Variants in SMARCA5 observed in about 807,000 individuals in gnomAD.
The protein encoded by SMARCA5 is SNF2 related chromatin remodeling ATPase 5, also known as SWI/SNF-related matrix-associated actin-dependent regulator of chromatin subfamily A member 5.
A neutral mutation model predicts 140.4 loss-of-function variants in SMARCA5; 18 were observed. That is an observed-to-expected ratio of 0.13 (90% CI 0.09 to 0.19). The LOEUF is 0.19. SMARCA5 is among the 10% of genes least tolerant of loss of function. The probability of loss-of-function intolerance (pLI) is 1.00; values close to 1 mark genes in which losing one functional copy is unlikely to be tolerated. For missense variants in SMARCA5, 606 were observed against 1,276.8 expected, an observed-to-expected ratio of 0.47 and a Z score of 8.01; for synonymous variants, 449 against 419.6, an observed-to-expected ratio of 1.07 and a Z score of -0.86.
rs1259047910 is a variant in SMARCA5 at position 143,513,897 on chromosome 4, C to T, written c.-28C>T. 12 of 1,534,254 alleles carry T rather than the reference C, an allele frequency of 7.8e-6. No individual in the cohort carries two copies. The highest frequency in any genetic ancestry group is 9.6e-6 in the Non-Finnish European group (11 of 1,146,456). On this transcript the variant is annotated 5_prime_UTR_variant, in exon 1 of 24. Coordinates refer to ENST00000283131, the MANE Select transcript of SMARCA5 (RefSeq NM_003601.4). ...ATCCCCGCCGGACTCGGGCCTCTGG[C>T]AGCAGCGGGTGACGCAGACGGAACA...
intron 9 of SMARCA5, among the ~76,000 whole-genome samples, chr4:143,534,183 C>T (rs1737256850): frequency 6.6e-6 from 1 of 151,768 alleles, no homozygotes; most frequent in South Asian, 2.1e-4. Context: ...AATGCTATTG[C>T]ACACTTAATA....
intron 9 of SMARCA5, among the ~76,000 whole-genome samples, chr4:143,530,982 A>T (rs1737172633): frequency 6.6e-6 from 1 of 152,052 alleles, no homozygotes; most frequent in African/African-American, 2.4e-5. Flanking sequence ...TGCCCAGCTA[A>T]TTTTTGTATT....
At chr4:143,526,227 G>A in intron 5 of SMARCA5, 54 bp from the exon 6 acceptor site, 3 of 1,387,182 alleles carry the variant, frequency 2.2e-6, no homozygotes, top group South Asian at 2.4e-5. Flanking sequence ...AGGTATAATT[G>A]TGAAATAATA....
At chr4:143,528,080 ATTT>A in intron 7 of SMARCA5, 57 bp downstream of exon 7, 1 of 1,369,538 alleles carries the variant, frequency 7.3e-7, no homozygotes, top group Non-Finnish European at 9.7e-7. Context: ...TAAAGTACAG[ATTT>A]TTTTTTCTTT....
At chr4:143,548,395 T>C (rs189123944) in intron 22 of SMARCA5, among the ~76,000 whole-genome samples, 10 of 152,208 alleles carry the variant, frequency 6.6e-5, no homozygotes, top group Admixed American at 6.5e-4. Context: ...CAGTTTCAAC[T>C]TCTGAGTGTT....
At position 143,521,603 on chromosome 4, in the gene SMARCA5, ATAGTT is replaced by A. The variant is rs1736960464; in HGVS notation, c.419+11_419+15del. Reference sequence around the variant, plus strand: ...CTTACTATCCGTTGGCGAGTGAGTAATAGTTTAAACTTCATAGTTCAACCAAACTT... The same window carrying A: ...CTTACTATCCGTTGGCGAGTGAGTAATAAACTTCATAGTTCAACCAAACTT... On this transcript the variant is annotated intron_variant, in intron 3 of 23. Transcript: ENST00000283131. 1.2e-6 allele frequency: 2 copies of A among 1,604,602 alleles called. No individual in the cohort carries two copies. Among genetic ancestry groups the A allele is most frequent in the Non-Finnish European group, 1.7e-6 (2 of 1,175,808 alleles).
Position 143,546,886 on chromosome 4 carries a change from A to G in SMARCA5, c.2631A>G (p.Pro877=), listed in dbSNP as rs1309032306. 1 of 1,612,852 alleles carries G rather than the reference A, an allele frequency of 6.2e-7. No individual in the cohort carries two copies. The highest frequency in any genetic ancestry group is 1.7e-5 in the Admixed American group (1 of 59,972). Residue 877 remains proline (P), a synonymous_variant, in exon 20 of 24, where the codon CCA becomes CCG. Transcript: ENST00000283131. ...NIAREVEGKT[P]EEVIEYSAVF... Reference sequence around the variant, plus strand: ...CAAGAGAAGTAGAAGGCAAAACTCCAGAAGAAGTCATTGAATATTCAGGTA... The same window carrying G: ...CAAGAGAAGTAGAAGGCAAAACTCCGGAAGAAGTCATTGAATATTCAGGTA...
At chr4:143,549,125 C>T (rs1050307715) in intron 22 of SMARCA5, among the ~76,000 whole-genome samples, 5 of 152,104 alleles carry the variant, frequency 3.3e-5, no homozygotes, top group Middle Eastern at 3.4e-3. Context: ...TGTAACAAGA[C>T]AGTGCCATGT....
At chr4:143,517,319 G>T in intron 1 of SMARCA5, 36 bp from the exon 2 acceptor site, 1 of 1,494,324 alleles carries the variant, frequency 6.7e-7, no homozygotes, top group Non-Finnish European at 9.2e-7. Context: ...TACTATTTTC[G>T]AAGACCAATT....
At chr4:143,550,208 C>A in intron 23 of SMARCA5, 104 bp downstream of exon 23, 1 of 579,042 alleles carries the variant, frequency 1.7e-6, no homozygotes, top group East Asian at 3.7e-5. Context: ...CTGTTGTGCA[C>A]CCCTCCATTG....
chr4:143,520,369 G>A (rs1244405307), intron 2 of SMARCA5, among the ~76,000 whole-genome samples: 4 of 152,114 alleles, frequency 2.6e-5, no homozygotes, highest in Admixed American at 6.5e-5. Context: ...GGACATTACT[G>A]GGGTTCTAGC....
At chr4:143,519,483 T>C (rs1348592416) in intron 2 of SMARCA5, among the ~76,000 whole-genome samples, 1 of 152,188 alleles carries the variant, frequency 6.6e-6, no homozygotes, top group Non-Finnish European at 1.5e-5. Flanking sequence ...CAAATTTGAC[T>C]GTGAAATGGA....
intron 8 of SMARCA5, among the ~76,000 whole-genome samples, chr4:143,529,961 T>C (rs905952499): frequency 2.0e-5 from 3 of 152,312 alleles, no homozygotes; most frequent in East Asian, 1.9e-4. Flanking sequence ...ATAATACATA[T>C]GTTCAAGAGA....
At chr4:143,528,948 T>A (rs1330219387) in intron 8 of SMARCA5, among the ~76,000 whole-genome samples, 2 of 152,122 alleles carry the variant, frequency 1.3e-5, no homozygotes, top group African/African-American at 4.8e-5. Context: ...TATTTTATTT[T>A]TTTTGAGACG....
rs1318633746 is a variant in SMARCA5, at chr4:143,513,935, C to T, written c.11C>T (p.Ala4Val). Residue 4 changes from alanine (A) to valine (V), a missense_variant, in exon 1 of 24, where the codon GCG becomes GTG. By Grantham distance (64) the Ala-to-Val change is moderately conservative. This residue lies in a region of SMARCA5 where 164 missense variants were observed against 128.4 expected (regional missense o/e 1.28). Transcript: ENST00000283131. Reference protein sequence around the residue: MSSAAEPPPPPPPE... With the variant: MSSVAEPPPPPPPE... ...CGCAGACGGAACATCATGTCGTCCG[C>T]GGCCGAGCCTCCGCCACCCCCGCCT... is the stretch of plus-strand genomic sequence containing the variant. 4 of 1,544,946 alleles carry T rather than the reference C, an allele frequency of 2.6e-6. No homozygotes were observed. The South Asian group carries it at 3.5e-5, about 14-fold the overall frequency.
chr4:143,526,160 C>A (rs1737068408), intron 5 of SMARCA5, 121 bp from the exon 6 acceptor site: 1 of 792,642 alleles, frequency 1.3e-6, no homozygotes, highest in Non-Finnish European at 2.0e-6. Context: ...AAGTTTTTGC[C>A]ATTTATTAAC....
Position 143,513,821 on chromosome 4 carries a change from T to G in SMARCA5, c.-104T>G. ...GGGAGCGCTCGGGTGGGAGTCTCGC[T>G]CCTCCACCAGTTTATTGCGACGTAG... On this transcript the variant is annotated 5_prime_UTR_variant, in exon 1 of 24. Transcript: ENST00000283131. The G allele has an allele frequency of 7.5e-7, 1 of 1,330,780 alleles. No individual in the cohort carries two copies. The highest frequency in any genetic ancestry group is 1.4e-5 in the South Asian group (1 of 71,766). 82.4% of individuals were successfully genotyped at this position (1,330,780 alleles called of 1,614,324 possible). A position where few individuals can be genotyped will look rare whatever the true frequency, so the allele number is the denominator to read the frequency against.
intron 3 of SMARCA5, among the ~76,000 whole-genome samples, chr4:143,523,925 T>A (rs769187615): frequency 2.6e-5 from 4 of 152,166 alleles, no homozygotes; most frequent in Admixed American, 6.5e-5. Context: ...TATTTAAAAA[T>A]TTTTTTGATG....
At position 143,521,462 on chromosome 4, in the gene SMARCA5, T is replaced by C. The variant is rs1258991019; in HGVS notation, c.286T>C (p.Leu96=). 3.1e-6 allele frequency: 5 copies of C among 1,613,078 alleles called. No individual in the cohort carries two copies. The Admixed American group carries it at 6.7e-5, about 22-fold the overall frequency. ...CCGGGCAAATAGATTCGAGTATTTA[T>C]TAAAGCAGACAGAACTTTTTGCACA... is the stretch of plus-strand genomic sequence containing the variant. ...TDRANRFEYL[L]KQTELFAHFI... The change falls in exon 3 of 24, where the codon TTA becomes CTA. Residue 96 remains leucine (L), a synonymous_variant. Coordinates refer to ENST00000283131, the MANE Select transcript of SMARCA5 (RefSeq NM_003601.4).
Sources: gnomAD v4.1 joint callset for allele counts (sites outside exome capture counted in the v4.1 genomes callset) on GRCh38, gnomAD v4.1.1 for gene constraint, gnomAD v4.1.1 regional missense constraint, MANE v1.5 for transcripts, NCBI Gene and HGNC (gene_info 2026-07-23, HGNC 2026-07-21) for gene names.